Variants in MME observed in about 807,000 individuals in gnomAD.
The protein encoded by MME is neprilysin.
A neutral mutation model predicts 113.2 loss-of-function variants in MME; 98 were observed. That is an observed-to-expected ratio of 0.87 (90% CI 0.74 to 1.02). The LOEUF (loss-of-function observed/expected upper bound fraction) is 1.02. Ranked by LOEUF, MME falls within the 50% of genes least tolerant of loss-of-function variation. The pLI is 0.00. For synonymous variants in MME, 292 were observed against 300.6 expected (o/e 0.97, Z 0.30); for missense variants, 836 against 896.0 (o/e 0.93, Z 0.86).
intron 16 of MME, among the ~76,000 whole-genome samples, chr3:155,155,812 C>T (rs1722267419): frequency 6.6e-6 from 1 of 152,092 alleles, no homozygotes; most frequent in Non-Finnish European, 1.5e-5. Context: ...GGAATCTCTC[C>T]GAAATAAAGC....
intron 8 of MME, among the ~76,000 whole-genome samples, chr3:155,122,351 A>T (rs1719226379): frequency 6.9e-6 from 1 of 144,044 alleles, no homozygotes; most frequent in African/African-American, 2.6e-5. Flanking sequence ...AATTTTGTTG[A>T]TCCTTTCAAA....
chr3:155,155,489 G>A (rs1005119535), intron 16 of MME, among the ~76,000 whole-genome samples: 4 of 152,108 alleles, frequency 2.6e-5, no homozygotes, highest in Non-Finnish European at 5.9e-5. Flanking sequence ...TCAGCACTCT[G>A]GGAGCTTGGA....
At chr3:155,150,067 G>A (rs1721812105) in intron 16 of MME, among the ~76,000 whole-genome samples, 1 of 152,074 alleles carries the variant, frequency 6.6e-6, no homozygotes, top group Admixed American at 6.6e-5. Context: ...TTTCTTATAA[G>A]TCTGTATATT....
At chr3:155,058,064 G>T (rs1400907298) in intron 1 of MME, among the ~76,000 whole-genome samples, 1 of 151,540 alleles carries the variant, frequency 6.6e-6, no homozygotes, top group African/African-American at 2.4e-5. Context: ...ATATTCGAAG[G>T]TACACCAGTA....
chr3:155,159,448 A>G (rs2108349091), intron 16 of MME, among the ~76,000 whole-genome samples: 1 of 152,132 alleles, frequency 6.6e-6, no homozygotes, highest in East Asian at 1.9e-4. Flanking sequence ...CATTTTTCCA[A>G]TGAGCAAGTA....
In MME at chr3:155,180,763, A is replaced by G. The variant is rs1713013148; in HGVS notation, c.*304A>G. The G allele has an allele frequency of 3.0e-6, 1 of 336,890 alleles. No homozygotes were observed. Among genetic ancestry groups the G allele is most frequent in the Non-Finnish European group, 5.7e-6 (1 of 175,380 alleles). 20.9% of individuals were successfully genotyped at this position (336,890 alleles called of 1,614,324 possible). ...GGTCTACCAGTTTGCTGATGTCCCT[A>G]GAAAACAATGCAAAACCTTTGAGGT... On this transcript the variant is annotated 3_prime_UTR_variant, in exon 23 of 23. Transcript: ENST00000360490.
chr3:155,092,528 A>G (rs1188287488), intron 3 of MME, among the ~76,000 whole-genome samples: 1 of 152,220 alleles, frequency 6.6e-6, no homozygotes, highest in Non-Finnish European at 1.5e-5. Context: ...GAAAACACAT[A>G]TCCTCACAAG....
Position 155,144,403 on chromosome 3 carries a change from T to G in MME, c.1362T>G (p.Thr454=). The stretch of plus-strand genomic sequence containing the variant: ...AGATCCGAGAAGTTTTTATTCAGAC[T>G]TTAGATGACCTCACTTGGATGGATG... ...IAQIREVFIQ[T]LDDLTWMDAE... is the part of the protein sequence containing the mutation. The change falls in exon 14 of 23, where the codon ACT becomes ACG. Residue 454 remains threonine (T), a synonymous_variant. Transcript: ENST00000360490. 6.2e-7 allele frequency: 1 copy of G among 1,613,280 alleles called. No homozygotes were observed. Among genetic ancestry groups the G allele is most frequent in the Non-Finnish European group, 8.5e-7 (1 of 1,179,460 alleles).
intron 17 of MME, among the ~76,000 whole-genome samples, chr3:155,163,255 T>C (rs1722844516): frequency 6.6e-6 from 1 of 152,078 alleles, no homozygotes; most frequent in South Asian, 2.1e-4. Context: ...GGATTGGTCA[T>C]TTTATGTTGT....
At chr3:155,128,212 A>G (rs1410499969) in intron 8 of MME, among the ~76,000 whole-genome samples, 4 of 152,076 alleles carry the variant, frequency 2.6e-5, no homozygotes, top group Non-Finnish European at 5.9e-5. Context: ...CTTTTTTTAA[A>G]TCCATTCTTT....
Position 155,115,109 on chromosome 3 carries a change from C to T in MME, c.312C>T (p.Tyr104=), listed in dbSNP as rs202011191. ...RNVIPETSSR[Y]GNFDILRDEL... is the part of the protein sequence containing the mutation. ...TCATTCCCGAGACCAGCTCCCGTTA[C>T]GGCAACTTTGACATTTTAAGAGATG... The change falls in exon 4 of 23, where the codon TAC becomes TAT. Residue 104 remains tyrosine, a synonymous_variant. Coordinates refer to ENST00000360490, the MANE Select transcript of MME (RefSeq NM_007289.4). 232 of 1,614,046 alleles carry T rather than the reference C, an allele frequency of 1.4e-4. No homozygotes were observed. The South Asian group carries it at 2.0e-3, about 14-fold the overall frequency.
At chr3:155,084,025 C>G in intron 1 of MME, 133 bp from the exon 2 acceptor site, 1 of 859,928 alleles carries the variant, frequency 1.2e-6, no homozygotes, top group East Asian at 2.7e-5. Context: ...AAAATTTTGA[C>G]TTCTCAACAG....
chr3:155,052,656 C>T (rs1713800408), intron 1 of MME, among the ~76,000 whole-genome samples: 1 of 152,206 alleles, frequency 6.6e-6, no homozygotes, highest in African/African-American at 2.4e-5. Context: ...GCCCACAAAA[C>T]CATTTTTTCC....
At chr3:155,104,000 G>A (rs944019020) in intron 3 of MME, among the ~76,000 whole-genome samples, 1 of 152,178 alleles carries the variant, frequency 6.6e-6, no homozygotes, top group Admixed American at 6.5e-5. Flanking sequence ...TGAACACTGA[G>A]TAAGTTTGAG....
intron 1 of MME, among the ~76,000 whole-genome samples, chr3:155,053,718 A>C (rs1713835438): frequency 6.6e-6 from 1 of 152,204 alleles, no homozygotes. Flanking sequence ...TTCTAGCAAG[A>C]AATGGGCTGA....
In MME at chr3:155,163,028, A is replaced by G. The variant is rs77918993; in HGVS notation, c.1660+2580A>G. 5.9e-3 allele frequency among the ~76,000 whole-genome samples: 897 copies of G among 151,418 alleles called. 7 individuals are homozygous for G. The highest frequency in any genetic ancestry group is 0.021 in the African/African-American group (847 of 41,268). ...ACTCTGTCTCAAAAAAAAAAAAAAA[A>G]AAAGAAAGAAAAAGAAATGTGTATG... On this transcript the variant is annotated intron_variant, in intron 17 of 22. Transcript: ENST00000360490.
chr3:155,042,394 T>C (rs750672150), intron 1 of MME, among the ~76,000 whole-genome samples: 10 of 152,184 alleles, frequency 6.6e-5, no homozygotes, highest in Non-Finnish European at 2.9e-5. Context: ...TCCTATGTCA[T>C]GCCCAGTCTT....
At chr3:155,046,229 A>G (rs57357048) in intron 1 of MME, among the ~76,000 whole-genome samples, 15,044 of 152,208 alleles carry the variant, frequency 0.099, 1,250 homozygotes, top group African/African-American at 0.23. Flanking sequence ...CTTAAAGTTT[A>G]CTGACTGGTT....
chr3:155,143,594 C>T (rs750868957), intron 13 of MME, 23 bp downstream of exon 13: 3 of 1,608,662 alleles, frequency 1.9e-6, no homozygotes, highest in Admixed American at 3.3e-5. Context: ...GAATAATACA[C>T]TGTCAGTTAT....
Sources: gnomAD v4.1 joint callset for allele counts (sites outside exome capture counted in the v4.1 genomes callset) on GRCh38, gnomAD v4.1.1 for gene constraint, MANE v1.5 for transcripts, NCBI Gene and HGNC (gene_info 2026-07-23, HGNC 2026-07-21) for gene names.